Variants in MYO3B observed in about 807,000 individuals in gnomAD.
MYO3B encodes myosin-IIIb.
Under a neutral mutation model 174.6 loss-of-function variants are expected in MYO3B, and 156 were observed. The ratio of observed to expected loss-of-function variants is 0.89; its 90% CI spans 0.78 to 1.02. The LOEUF is 1.02. Ranked by LOEUF, MYO3B falls within the 50% of genes least tolerant of loss-of-function variation. MYO3B has a pLI of 0.00. For missense variants in MYO3B, 1,632 were observed against 1,639.4 expected (o/e 1.00, Z 0.08); for synonymous variants, 563 against 569.1 (o/e 0.99, Z 0.15).
rs993550744 is a variant in MYO3B at position 170,651,596 on chromosome 2, C to T, written c.3734-32C>T. The T allele has an allele frequency of 1.3e-5, 20 of 1,583,056 alleles. No homozygotes were observed. The Middle Eastern group carries it at 6.6e-4, about 53-fold the overall frequency. On this transcript the variant is annotated intron_variant, in intron 32 of 34. Coordinates refer to ENST00000408978, the MANE Select transcript of MYO3B (RefSeq NM_138995.5). ...CACTTAATTTTCCCAACACCTCGGA[C>T]AGTTTACAGCAAAGTTTTGCTCTTT...
intron 8 of MYO3B, among the ~76,000 whole-genome samples, chr2:170,354,468 A>G (rs2094104222): frequency 1.3e-5 from 2 of 152,338 alleles, no homozygotes; most frequent in South Asian, 2.1e-4. Context: ...AGGACACACC[A>G]TAATACCAGG....
intron 32 of MYO3B, among the ~76,000 whole-genome samples, chr2:170,627,992 G>T (rs540126105): frequency 1.3e-5 from 2 of 152,304 alleles, no homozygotes; most frequent in East Asian, 3.9e-4. Flanking sequence ...GGCTACTCGG[G>T]GGTCAGGGAC....
chr2:170,607,801 A>T (rs1267753543), intron 32 of MYO3B, among the ~76,000 whole-genome samples: 1 of 152,196 alleles, frequency 6.6e-6, no homozygotes, highest in Non-Finnish European at 1.5e-5. Flanking sequence ...TAGTGTTCTG[A>T]CCTGTATTTA....
intron 29 of MYO3B, among the ~76,000 whole-genome samples, chr2:170,517,416 A>C (rs927552058): frequency 1.3e-5 from 2 of 152,134 alleles, no homozygotes; most frequent in African/African-American, 4.8e-5. Flanking sequence ...TGGCACCTTC[A>C]TAAGGAGAGT....
At chr2:170,578,744 A>T (rs1054368282) in intron 32 of MYO3B, among the ~76,000 whole-genome samples, 1 of 152,254 alleles carries the variant, frequency 6.6e-6, no homozygotes, top group Non-Finnish European at 1.5e-5. Context: ...TAACAAGTAG[A>T]TATTGTGGTC....
At chr2:170,519,021 T>C (rs1194498507) in intron 29 of MYO3B, among the ~76,000 whole-genome samples, 5 of 152,204 alleles carry the variant, frequency 3.3e-5, no homozygotes, top group African/African-American at 1.2e-4. Flanking sequence ...CCTAGCCACA[T>C]CATCACATTT....
intron 22 of MYO3B, among the ~76,000 whole-genome samples, chr2:170,430,067 A>C (rs1226572785): frequency 6.6e-6 from 1 of 151,484 alleles, no homozygotes; most frequent in Non-Finnish European, 1.5e-5. Context: ...GGTTGGATGC[A>C]AAACTGCATA....
At position 170,413,932 on chromosome 2, in the gene MYO3B, T is replaced by C. The variant is rs111277522; in HGVS notation, c.2650+6088T>C. On this transcript the variant is annotated intron_variant, in intron 22 of 34. Coordinates refer to ENST00000408978, the MANE Select transcript of MYO3B (RefSeq NM_138995.5). ...GTGGGCGCCTGTAGTCCCAGCTACTTGGGAGGCTGAGGCAGGAGAATCGCA... is the reference window on the plus strand; with the variant it reads ...GTGGGCGCCTGTAGTCCCAGCTACTCGGGAGGCTGAGGCAGGAGAATCGCA... 4.0e-5 allele frequency among the ~76,000 whole-genome samples: 6 copies of C among 151,660 alleles called. No individual in the cohort carries two copies. The South Asian group carries it at 1.3e-3, about 32-fold the overall frequency.
At chr2:170,241,134 T>A (rs547177993) in intron 7 of MYO3B, among the ~76,000 whole-genome samples, 1 of 151,898 alleles carries the variant, frequency 6.6e-6, no homozygotes, top group Admixed American at 6.6e-5. Context: ...TTATTTGTTT[T>A]TTTTTTTAGT....
intron 7 of MYO3B, among the ~76,000 whole-genome samples, chr2:170,306,215 G>T (rs891936856): frequency 6.6e-6 from 1 of 152,178 alleles, no homozygotes; most frequent in African/African-American, 2.4e-5. Context: ...GACATAGGAA[G>T]TGGAGGCTGC....
intron 32 of MYO3B, among the ~76,000 whole-genome samples, chr2:170,648,710 T>G (rs1559199900): frequency 1.8e-5 from 2 of 111,848 alleles, no homozygotes; most frequent in Non-Finnish European, 3.3e-5. Flanking sequence ...TATATTATAT[T>G]CTATATAATA....
chr2:170,389,677 G>A (rs547238445), intron 14 of MYO3B, among the ~76,000 whole-genome samples: 5 of 152,076 alleles, frequency 3.3e-5, no homozygotes, highest in Non-Finnish European at 7.4e-5. Flanking sequence ...ATGTAACAGA[G>A]GTTAAAGAAC....
chr2:170,327,258 G>A (rs1249097591), intron 7 of MYO3B, among the ~76,000 whole-genome samples: 2 of 152,174 alleles, frequency 1.3e-5, no homozygotes, highest in African/African-American at 4.8e-5. Flanking sequence ...GATGGCACAT[G>A]CCTGTATTCC....
intron 7 of MYO3B, among the ~76,000 whole-genome samples, chr2:170,240,021 G>A (rs1047585248): frequency 1.3e-5 from 2 of 152,188 alleles, no homozygotes; most frequent in Non-Finnish European, 2.9e-5. Flanking sequence ...CTCTGGCTTC[G>A]TTTTCACATG....
At chr2:170,350,893 G>A (rs527271291) in intron 8 of MYO3B, 22 of 152,204 alleles carry the variant, frequency 1.4e-4, no homozygotes, top group African/African-American at 5.3e-4. Flanking sequence ...AGATGTTTCC[G>A]TGGAAGATAT....
intron 25 of MYO3B, among the ~76,000 whole-genome samples, chr2:170,482,154 T>C (rs1685729799): frequency 6.9e-6 from 1 of 144,300 alleles, no homozygotes; most frequent in Admixed American, 7.0e-5. Flanking sequence ...GCACAAGTTC[T>C]CTCTCTTTTT....
At chr2:170,494,779 A>G (rs1011304704) in intron 25 of MYO3B, among the ~76,000 whole-genome samples, 7 of 151,876 alleles carry the variant, frequency 4.6e-5, no homozygotes, top group Admixed American at 1.3e-4. Flanking sequence ...AAGAAAAAGA[A>G]GTTACGTGGA....
intron 7 of MYO3B, among the ~76,000 whole-genome samples, chr2:170,263,825 T>G (rs754701173): frequency 4.6e-5 from 7 of 151,964 alleles, no homozygotes; most frequent in Non-Finnish European, 1.0e-4. Flanking sequence ...GAGGCCTTCC[T>G]CTTTTACTAA....
intron 32 of MYO3B, among the ~76,000 whole-genome samples, chr2:170,624,201 A>G (rs1696189436): frequency 6.6e-6 from 1 of 152,314 alleles, no homozygotes; most frequent in South Asian, 2.1e-4. Context: ...CTTCCTATCC[A>G]TGAGCATGGA....
Sources: gnomAD v4.1 joint callset for allele counts (sites outside exome capture counted in the v4.1 genomes callset) on GRCh38, gnomAD v4.1.1 for gene constraint, MANE v1.5 for transcripts, NCBI Gene and HGNC (gene_info 2026-07-23, HGNC 2026-07-21) for gene names.